ZMIZ1: variants seen among roughly 807,000 people sequenced by gnomAD.
ZMIZ1 encodes zinc finger MIZ-type containing 1, also known as zinc finger MIZ domain-containing protein 1.
ZMIZ1 carries 17 observed loss-of-function variants against 113.9 expected under a neutral mutation model. That is an observed-to-expected ratio of 0.15 (90% CI 0.10 to 0.22). ZMIZ1 has a LOEUF of 0.22. Among genes scored for constraint, ZMIZ1 ranks in the 10% least tolerant of loss-of-function variants. The probability of loss-of-function intolerance (pLI) is 1.00; values close to 1 mark genes in which losing one functional copy is unlikely to be tolerated. For missense variants in ZMIZ1, 1,059 were observed against 1,477.8 expected (o/e 0.72, Z 4.65); for synonymous variants, 607 against 603.1 (o/e 1.01, Z -0.09).
At chr10:79,219,881 C>T (rs1848891065) in intron 7 of ZMIZ1, among the ~76,000 whole-genome samples, 1 of 152,168 alleles carries the variant, frequency 6.6e-6, no homozygotes, top group African/African-American at 2.4e-5. Flanking sequence ...AACTACCTTT[C>T]AGGGCCACCC....
intron 8 of ZMIZ1, chr10:79,285,396 C>A (rs573319851): frequency 1.3e-5 from 6 of 450,952 alleles, no homozygotes; most frequent in Non-Finnish European, 2.7e-5. Context: ...TAGGCACTTA[C>A]ACTTAACCCT....
intron 2 of ZMIZ1, among the ~76,000 whole-genome samples, chr10:79,120,801 C>G (rs1844258803): frequency 6.6e-6 from 1 of 152,202 alleles, no homozygotes; most frequent in Non-Finnish European, 1.5e-5. Context: ...TTCTCATCCC[C>G]TGGGGCCTGG....
rs1855454547 is a variant in ZMIZ1 at position 79,315,178 on chromosome 10, CG to C, written c.*2431del. ...TCCAGCAAGCCTCCACCAGCAAGCT[CG>C]GCCCAGAGCTTCCCTTCCGGCTGGC... is the stretch of plus-strand genomic sequence containing the variant. On this transcript the variant is annotated 3_prime_UTR_variant, in exon 25 of 25. Coordinates refer to ENST00000334512, the MANE Select transcript of ZMIZ1 (RefSeq NM_020338.4). 1 of 152,762 alleles carries C rather than the reference CG, an allele frequency of 6.5e-6. No individual in the cohort carries two copies. Among genetic ancestry groups the C allele is most frequent in the Non-Finnish European group, 1.5e-5 (1 of 68,092 alleles). 9.5% of individuals were successfully genotyped at this position (152,762 alleles called of 1,614,324 possible). A position where few individuals can be genotyped will look rare whatever the true frequency, so the allele number is the denominator to read the frequency against.
At position 79,133,834 on chromosome 10, in the gene ZMIZ1, G is replaced by T. The variant is rs1003747077; in HGVS notation, c.-226-5848G>T. Among the ~76,000 whole-genome samples the T allele has an allele frequency of 4.1e-4, 62 of 152,186 alleles. 1 individual carries two copies. The highest frequency in any genetic ancestry group is 1.5e-3 in the African/African-American group (61 of 41,440). ...AAATAGGCTCCTCTGATTCCTCGGA[G>T]CATGCAGTGTTTAAGGACTGGGGCA... is the stretch of plus-strand genomic sequence containing the variant. On this transcript the variant is annotated intron_variant, in intron 2 of 24. Coordinates refer to ENST00000334512, the MANE Select transcript of ZMIZ1 (RefSeq NM_020338.4).
intron 8 of ZMIZ1, among the ~76,000 whole-genome samples, chr10:79,286,402 G>A (rs1853079637): frequency 6.6e-6 from 1 of 152,260 alleles, no homozygotes; most frequent in Non-Finnish European, 1.5e-5. Flanking sequence ...CTCTGCGACA[G>A]CAGGAGCCCG....
At chr10:79,302,399 C>G (rs993999096) in intron 18 of ZMIZ1, among the ~76,000 whole-genome samples, 187 bp downstream of exon 18, 1 of 152,196 alleles carries the variant, frequency 6.6e-6, no homozygotes, top group Non-Finnish European at 1.5e-5. Flanking sequence ...TTGTCGTGGT[C>G]AGAGAAGCTA....
At chr10:79,106,597 C>T (rs1215599849) in intron 1 of ZMIZ1, among the ~76,000 whole-genome samples, 1 of 152,240 alleles carries the variant, frequency 6.6e-6, no homozygotes, top group Non-Finnish European at 1.5e-5. Flanking sequence ...AGCAGATGCT[C>T]CTTGGCCGGT....
At chr10:79,234,702 T>C (rs1351349267) in intron 7 of ZMIZ1, among the ~76,000 whole-genome samples, 1 of 152,196 alleles carries the variant, frequency 6.6e-6, no homozygotes. Context: ...GGAACCAGCG[T>C]CTTTGCCTTG....
Position 79,300,921 on chromosome 10 carries a change from C to A in ZMIZ1, c.1998C>A (p.Ile666=). 6.2e-7 allele frequency: 1 copy of A among 1,611,460 alleles called. No homozygotes were observed. The highest frequency in any genetic ancestry group is 8.5e-7 in the Non-Finnish European group (1 of 1,179,950). ...AGCCGGGCCGCAACACCATCCAGAT[C>A]ACCGTCACGGCCTGCTGCTGCGTGA... is the stretch of plus-strand genomic sequence containing the variant. ...VCQPGRNTIQ[I]TVTACCCSHL... is the part of the protein sequence containing the mutation. Residue 666 remains isoleucine, a synonymous_variant, in exon 17 of 25, where the codon ATC becomes ATA. Transcript: ENST00000334512.
intron 1 of ZMIZ1, among the ~76,000 whole-genome samples, chr10:79,083,485 AT>A (rs1842722974): frequency 6.6e-6 from 1 of 152,210 alleles, no homozygotes; most frequent in Non-Finnish European, 1.5e-5. Flanking sequence ...AGAGAGCCTT[AT>A]CAAGTACAGG....
At chr10:79,264,884 G>T (rs1327525004) in intron 7 of ZMIZ1, among the ~76,000 whole-genome samples, 8 of 152,228 alleles carry the variant, frequency 5.3e-5, no homozygotes. Context: ...ACCCTCTTGA[G>T]CTTGTTTTGG....
intron 7 of ZMIZ1, among the ~76,000 whole-genome samples, chr10:79,267,273 G>T (rs1851664436): frequency 6.6e-6 from 1 of 152,248 alleles, no homozygotes; most frequent in Non-Finnish European, 1.5e-5. Context: ...GTGTGAAGGG[G>T]TGGTGTGAGG....
At chr10:79,163,321 G>A (rs11002854) in intron 4 of ZMIZ1, among the ~76,000 whole-genome samples, 1,759 of 152,368 alleles carry the variant, frequency 0.012, 19 homozygotes, top group Non-Finnish European at 0.017. Flanking sequence ...CCTGCTGCAG[G>A]AAATCCCAGC....
At chr10:79,250,224 C>T (rs908687343) in intron 7 of ZMIZ1, among the ~76,000 whole-genome samples, 8 of 152,224 alleles carry the variant, frequency 5.3e-5, no homozygotes, top group Non-Finnish European at 1.2e-4. Context: ...CACCCAGCTC[C>T]ACCACCAGCC....
chr10:79,197,181 G>A (rs988523393), intron 4 of ZMIZ1, among the ~76,000 whole-genome samples: 31 of 152,300 alleles, frequency 2.0e-4, no homozygotes, highest in Admixed American at 1.8e-3. Context: ...GCCAACCCAG[G>A]CCTTTGTGGG....
chr10:79,239,280 G>A lies in ZMIZ1; in HGVS notation c.280+23006G>A, dbSNP rs189006333. Reference sequence around the variant, plus strand: ...GCTGGCTGTGTGATAGCTGCTCCATGCCAGGTCCCCGGTATGTGTGCATCC... The same window carrying A: ...GCTGGCTGTGTGATAGCTGCTCCATACCAGGTCCCCGGTATGTGTGCATCC... On this transcript the variant is annotated intron_variant, in intron 7 of 24. Coordinates refer to ENST00000334512, the MANE Select transcript of ZMIZ1 (RefSeq NM_020338.4). Among the ~76,000 whole-genome samples the A allele has an allele frequency of 3.9e-5, 6 of 152,292 alleles. No individual in the cohort carries two copies. The South Asian group carries it at 6.2e-4, about 16-fold the overall frequency.
At position 79,302,089 on chromosome 10, in the gene ZMIZ1, TCTC is replaced by T; in HGVS notation, c.2020-14_2020-12del. ...GGGGACAGTGCACAGGAACTGAGTG[TCTC>T]CTCTCTCCCCGCAGTCCCACCTCTT... On this transcript the variant is annotated splice_polypyrimidine_tract_variant and intron_variant, in intron 17 of 24. Coordinates refer to ENST00000334512, the MANE Select transcript of ZMIZ1 (RefSeq NM_020338.4). 6.2e-7 allele frequency: 1 copy of T among 1,611,970 alleles called. No homozygotes were observed. The highest frequency in any genetic ancestry group is 1.8e-4 in the Middle Eastern group (1 of 5,700).
intron 11 of ZMIZ1, 139 bp downstream of exon 11, chr10:79,292,495 T>C: frequency 8.5e-7 from 1 of 1,172,440 alleles, no homozygotes; most frequent in Non-Finnish European, 1.2e-6. Flanking sequence ...CATTTGGGCT[T>C]TCATGGAAGC....
chr10:79,128,168 C>T (rs1844596822), intron 2 of ZMIZ1, among the ~76,000 whole-genome samples: 1 of 152,190 alleles, frequency 6.6e-6, no homozygotes, highest in Non-Finnish European at 1.5e-5. Context: ...TCCCTGGGTG[C>T]AGTACCTGTC....
Sources: allele counts gnomAD v4.1 joint callset (sites outside exome capture counted in the v4.1 genomes callset), GRCh38; gene constraint gnomAD v4.1.1; transcripts MANE v1.5; gene names NCBI Gene and HGNC (gene_info 2026-07-23, HGNC 2026-07-21).